Variants in KLF13 observed in about 807,000 individuals in gnomAD.
The protein encoded by KLF13 is Krueppel-like factor 13.
In KLF13, 8 loss-of-function variants were observed where a neutral mutation model predicts 16.7. The ratio of observed to expected loss-of-function variants is 0.48; its 90% CI spans 0.28 to 0.87. KLF13 has a LOEUF of 0.87. Among genes scored for constraint, KLF13 ranks in the 40% least tolerant of loss-of-function variants. The pLI is 0.10. For synonymous variants in KLF13, 245 were observed against 208.4 expected (o/e 1.18, Z -1.51); for missense variants, 447 against 452.2 (o/e 0.99, Z 0.10).
intron 1 of KLF13, among the ~76,000 whole-genome samples, chr15:31,328,243 C>T (rs1168298261): frequency 6.6e-6 from 1 of 151,232 alleles, no homozygotes; most frequent in African/African-American, 2.4e-5. Context: ...CGGGCGCGCG[C>T]TCAGGAGGGG....
intron 1 of KLF13, among the ~76,000 whole-genome samples, chr15:31,332,382 G>A (rs1011933320): frequency 2.0e-5 from 3 of 152,202 alleles, no homozygotes; most frequent in African/African-American, 7.2e-5. Flanking sequence ...TGTCACTCCC[G>A]CACGCCTGGT....
At chr15:31,397,044 G>A (rs969389858) in intron 2 of KLF13, among the ~76,000 whole-genome samples, 1 of 152,060 alleles carries the variant, frequency 6.6e-6, no homozygotes, top group Non-Finnish European at 1.5e-5. Flanking sequence ...TGGCTCAGGG[G>A]CTGGTGCCTG....
chr15:31,354,938 A>G (rs1393554310), intron 1 of KLF13, among the ~76,000 whole-genome samples: 1 of 152,184 alleles, frequency 6.6e-6, no homozygotes, highest in Non-Finnish European at 1.5e-5. Context: ...GTAAGTGTGA[A>G]GCAAAAAATC....
intron 1 of KLF13, among the ~76,000 whole-genome samples, chr15:31,362,725 G>C (rs2039408208): frequency 6.6e-6 from 1 of 152,164 alleles, no homozygotes; most frequent in Non-Finnish European, 1.5e-5. Context: ...CATCTGCTCA[G>C]TGTTCCCCTG....
At chr15:31,348,367 C>T (rs972670239) in intron 1 of KLF13, among the ~76,000 whole-genome samples, 13 of 152,202 alleles carry the variant, frequency 8.5e-5, no homozygotes, top group African/African-American at 1.9e-4. Context: ...ACGCGTGGTA[C>T]GTAGGCACAC....
At chr15:31,379,292 C>T (rs2039694828), downstream of KLF13, among the ~76,000 whole-genome samples, 1 of 152,172 alleles carries the variant, frequency 6.6e-6, no homozygotes, top group Admixed American at 6.5e-5. Flanking sequence ...GGAGCCCATT[C>T]TTGGTTGGAG....
chr15:31,338,457 AG>A (rs1448252356), intron 1 of KLF13, among the ~76,000 whole-genome samples: 1 of 152,236 alleles, frequency 6.6e-6, no homozygotes, highest in East Asian at 1.9e-4. Flanking sequence ...GCATCTGGCC[AG>A]GTGGTGCGGG....
downstream of KLF13, among the ~76,000 whole-genome samples, chr15:31,406,834 C>A (rs911129426): frequency 6.6e-6 from 1 of 152,158 alleles, no homozygotes; most frequent in African/African-American, 2.4e-5. Flanking sequence ...TGACTCCTGC[C>A]TCCCTCATTG....
chr15:31,398,563 C>T (rs1448825911), intron 2 of KLF13, among the ~76,000 whole-genome samples: 2 of 152,132 alleles, frequency 1.3e-5, no homozygotes, highest in African/African-American at 4.8e-5. Flanking sequence ...AGCAAGAGCC[C>T]ACTGGCTCCT....
intron 1 of KLF13, among the ~76,000 whole-genome samples, chr15:31,345,827 C>T (rs1237603324): frequency 6.6e-6 from 1 of 152,162 alleles, no homozygotes; most frequent in Non-Finnish European, 1.5e-5. Context: ...CACACGAGGT[C>T]ATATTTGCAC....
chr15:31,347,422 G>A (rs1198317223), intron 1 of KLF13, among the ~76,000 whole-genome samples: 3 of 152,174 alleles, frequency 2.0e-5, no homozygotes, highest in Non-Finnish European at 4.4e-5. Context: ...GCCGCACGTG[G>A]GTGGCAAGCC....
At chr15:31,332,458 C>T (rs535111775) in intron 1 of KLF13, among the ~76,000 whole-genome samples, 1 of 152,326 alleles carries the variant, frequency 6.6e-6, no homozygotes, top group Admixed American at 6.5e-5. Flanking sequence ...GGTGGGCGCT[C>T]AGCCCTGGAG....
At chr15:31,338,077 C>T (rs537567244) in intron 1 of KLF13, among the ~76,000 whole-genome samples, 1 of 152,324 alleles carries the variant, frequency 6.6e-6, no homozygotes, top group South Asian at 2.1e-4. Context: ...CTACTTATAG[C>T]TTGTGATTTG....
At chr15:31,434,791 C>G (rs1302993954) in intron 1 of KLF13, among the ~76,000 whole-genome samples, 1 of 152,222 alleles carries the variant, frequency 6.6e-6, no homozygotes, top group East Asian at 1.9e-4. Context: ...CAGCCACAGC[C>G]CCCCGTCAAT....
intron 1 of KLF13, among the ~76,000 whole-genome samples, chr15:31,419,277 T>C (rs1468991631): frequency 5.3e-5 from 1 of 18,794 alleles, no homozygotes; most frequent in Non-Finnish European, 8.5e-5. Flanking sequence ...TAGGGAAAAA[T>C]GGCCCAAAGG....
At chr15:31,395,487 T>C (rs1183589622) in intron 2 of KLF13, among the ~76,000 whole-genome samples, 1 of 152,150 alleles carries the variant, frequency 6.6e-6, no homozygotes, top group Non-Finnish European at 1.5e-5. Flanking sequence ...TGGACATAAG[T>C]TTTCATTTCT....
At chr15:31,404,547 A>G (rs539622723) in exon 3 of KLF13, 1 of 152,212 alleles carries the variant, frequency 6.6e-6, no homozygotes, top group East Asian at 1.9e-4. Context: ...GTGCTCTGTA[A>G]AATGGACCAA....
upstream of KLF13, among the ~76,000 whole-genome samples, chr15:31,391,887 G>T (rs1471796535): frequency 2.6e-5 from 4 of 152,114 alleles, no homozygotes; most frequent in Admixed American, 6.5e-5. Context: ...CTGCCGGCCC[G>T]GGGGAGGATC....
intron 2 of KLF13, among the ~76,000 whole-genome samples, chr15:31,397,880 G>GGGGGGGT (rs1555380284): frequency 2.7e-5 from 4 of 146,348 alleles, no homozygotes; most frequent in African/African-American, 8.1e-5. Flanking sequence ...GCGGCGGGGG[G>GGGGGGGT]GGTGGTGATC....
Sources: gnomAD v4.1 joint callset for allele counts (sites outside exome capture counted in the v4.1 genomes callset) on GRCh38, gnomAD v4.1.1 for gene constraint, MANE v1.5 for transcripts, NCBI Gene and HGNC (gene_info 2026-07-23, HGNC 2026-07-21) for gene names.